The following TTC21B variants were observed in gnomAD, a reference collection of about 807,000 sequenced individuals.
TTC21B encodes tetratricopeptide repeat protein 21B.
A neutral mutation model predicts 175.1 loss-of-function variants in TTC21B; 127 were observed. The ratio of observed to expected loss-of-function variants is 0.73; its 90% CI spans 0.63 to 0.84. The LOEUF is 0.84. Ranked by LOEUF, TTC21B falls within the 40% of genes least tolerant of loss-of-function variation. TTC21B has a pLI of 0.00. For synonymous variants in TTC21B, 524 were observed against 524.5 expected (o/e 1.00, Z 0.01); for missense variants, 1,561 against 1,558.3 (o/e 1.00, Z -0.03).
rs1326857060 is a variant in TTC21B, at chr2:165,943,294, A to C, written c.477T>G (p.Pro159=). 4 of 1,611,892 alleles carry C rather than the reference A, an allele frequency of 2.5e-6. No homozygotes were observed. The highest frequency in any genetic ancestry group is 3.4e-6 in the Non-Finnish European group (4 of 1,178,076). ...AWLDITRGKE[P]YTKKALKYFE... ...AATACTTCAGTGCTTTTTTAGTGTAAGGCTCTTTTCCTCTTGTAATATCAA... is the reference window on the plus strand; with the variant it reads ...AATACTTCAGTGCTTTTTTAGTGTACGGCTCTTTTCCTCTTGTAATATCAA... The change falls in exon 5 of 29, where the codon CCT becomes CCG. Residue 159 remains proline (P), a synonymous_variant. Transcript: ENST00000243344.
intron 11 of TTC21B, chr2:165,928,930 T>C (rs1279399982): frequency 1.8e-6 from 1 of 561,674 alleles, no homozygotes; most frequent in African/African-American, 1.9e-5. Flanking sequence ...GAAATACAAA[T>C]GAATATTTGC....
chr2:165,912,317 T>G (rs1368080770), intron 17 of TTC21B, among the ~76,000 whole-genome samples, 197 bp downstream of exon 17: 1 of 152,088 alleles, frequency 6.6e-6, no homozygotes, highest in Non-Finnish European at 1.5e-5. Flanking sequence ...AGGTCTAGGG[T>G]CCAAATAATC....
chr2:165,932,995 C>G lies in TTC21B; in HGVS notation c.773G>C (p.Cys258Ser), dbSNP rs1458267882. The G allele has an allele frequency of 6.2e-7, 1 of 1,613,010 alleles. No individual in the cohort carries two copies. The highest frequency in any genetic ancestry group is 8.5e-7 in the Non-Finnish European group (1 of 1,179,508). Residue 258 changes from cysteine to serine, a missense_variant, in exon 7 of 29, where the codon TGT (cysteine) becomes TCT (serine). Coordinates refer to ENST00000243344, the MANE Select transcript of TTC21B (RefSeq NM_024753.5). ...TACCTTCTCTATATCCCCCTCTCTA[C>G]ACACATAGTAGAGTGCCTGCATTCT... ...ALRMQALYYV[C>S]REGDIEKAST...
intron 20 of TTC21B, among the ~76,000 whole-genome samples, chr2:165,901,381 C>T (rs1008202692): frequency 3.3e-5 from 5 of 151,928 alleles, no homozygotes; most frequent in South Asian, 2.1e-4. Flanking sequence ...TGCAGTGGCG[C>T]GATCTTGGGT....
intron 19 of TTC21B, among the ~76,000 whole-genome samples, chr2:165,902,264 T>C (rs1199851934): frequency 6.6e-6 from 1 of 152,226 alleles, no homozygotes; most frequent in African/African-American, 2.4e-5. Flanking sequence ...ATTGGAAGAA[T>C]ATCAGCCTTT....
At chr2:165,947,318 T>C (rs1018667612) in intron 3 of TTC21B, 3 of 151,046 alleles carry the variant, frequency 2.0e-5, no homozygotes, top group African/African-American at 7.3e-5. Context: ...CAGTTCTCTT[T>C]CTGGAATGGC....
At chr2:165,951,154 C>T (rs1687751214) in intron 1 of TTC21B, among the ~76,000 whole-genome samples, 1 of 152,166 alleles carries the variant, frequency 6.6e-6, no homozygotes, top group Non-Finnish European at 1.5e-5. Context: ...TGCAGAATGA[C>T]TTCTTACTTT....
intron 1 of TTC21B, 82 bp downstream of exon 1, chr2:165,953,603 C>A (rs113984110): frequency 2.2e-5 from 33 of 1,534,298 alleles, no homozygotes; most frequent in Non-Finnish European, 2.9e-5. Context: ...CACCCGAGCT[C>A]CCTCCGCGCC....
chr2:165,953,640 T>TCCCC, intron 1 of TTC21B, 45 bp downstream of exon 1: 1 of 1,287,922 alleles, frequency 7.8e-7, no homozygotes, highest in African/African-American at 2.4e-5. Context: ...GCAAAGGAAC[T>TCCCC]CCGCCCGCCC....
chr2:165,874,282 G>C lies in TTC21B; in HGVS notation c.*473C>G, dbSNP rs763021259. 3.3e-4 allele frequency: 51 copies of C among 153,562 alleles called. No individual in the cohort carries two copies. The highest frequency in any genetic ancestry group is 5.8e-4 in the Non-Finnish European group (40 of 69,120). The allele number at this position is 153,562 out of a possible 1,614,324, so 9.5% of individuals were successfully genotyped here. A position where few individuals can be genotyped will look rare whatever the true frequency, so the allele number is the denominator to read the frequency against. ...AATCGCGTAAACCCAGGAGGCGGAG[G>C]TTGCAGTGAGCCAAGATCGTGCCAC... On this transcript the variant is annotated 3_prime_UTR_variant, in exon 29 of 29. Transcript: ENST00000243344.
intron 22 of TTC21B, among the ~76,000 whole-genome samples, chr2:165,893,756 G>A (rs144898571): frequency 3.3e-5 from 5 of 151,998 alleles, no homozygotes; most frequent in Non-Finnish European, 5.9e-5. Flanking sequence ...GTTGACCTTT[G>A]AGCAGCCTCA....
chr2:165,937,783 A>G (rs1047039138), intron 6 of TTC21B, among the ~76,000 whole-genome samples: 2 of 106,912 alleles, frequency 1.9e-5, no homozygotes, highest in African/African-American at 7.6e-5. Context: ...ACACACACAC[A>G]CACACACACA....
Position 165,952,142 on chromosome 2 carries a change from T to C in TTC21B, c.21+1543A>G, listed in dbSNP as rs1014545474. ...GATGACTAAAAGCCACTCCATACTCTAGAGCAGGGTTTGGCAAACCACACT... is the reference window on the plus strand; with the variant it reads ...GATGACTAAAAGCCACTCCATACTCCAGAGCAGGGTTTGGCAAACCACACT... On this transcript the variant is annotated intron_variant, in intron 1 of 28. Transcript: ENST00000243344. Among the ~76,000 whole-genome samples, 6 of 152,312 alleles carry C rather than the reference T, an allele frequency of 3.9e-5. 2 individuals are homozygous for C. The South Asian group carries it at 1.0e-3, about 26-fold the overall frequency.
At chr2:165,940,760 C>T (rs1367411552) in intron 6 of TTC21B, among the ~76,000 whole-genome samples, 1 of 152,094 alleles carries the variant, frequency 6.6e-6, no homozygotes, top group Admixed American at 6.5e-5. Flanking sequence ...TATATGGTTC[C>T]TTTCACTTAA....
intron 12 of TTC21B, among the ~76,000 whole-genome samples, chr2:165,922,852 G>A (rs527647799): frequency 6.6e-6 from 1 of 152,254 alleles, no homozygotes; most frequent in South Asian, 2.1e-4. Context: ...ATCAACCGAT[G>A]AGTGGACAAA....
intron 12 of TTC21B, among the ~76,000 whole-genome samples, chr2:165,923,795 C>T (rs553854244): frequency 3.6e-5 from 5 of 139,816 alleles, no homozygotes; most frequent in Non-Finnish European, 6.1e-5. Context: ...CCATCACTGA[C>T]GCTGGAGTGC....
rs139537546 is a variant in TTC21B, at chr2:165,876,188, C to T, written c.3850G>A (p.Asp1284Asn). The T allele has an allele frequency of 1.2e-6, 2 of 1,603,678 alleles. No individual in the cohort carries two copies. The highest frequency in any genetic ancestry group is 3.3e-5 in the Admixed American group (2 of 59,982). ...ACCTGGTGACATATGTCAATTGAAT[C>T]CACATATCTTTTTGCTTTTAAGTAA... ...FNYLKAKRYVDSIDICHQVLE... is the reference protein window; with the variant it reads ...FNYLKAKRYVNSIDICHQVLE... Residue 1284 changes from aspartate to asparagine, a missense_variant, in exon 28 of 29, where the codon GAT becomes AAT. Asp to Asn is a conservative substitution (Grantham distance 23). Transcript: ENST00000243344.
Position 165,890,462 on chromosome 2 carries a change from T to C in TTC21B, c.3263+17A>G, listed in dbSNP as rs1489344882. On this transcript the variant is annotated intron_variant, in intron 24 of 28. Coordinates refer to ENST00000243344, the MANE Select transcript of TTC21B (RefSeq NM_024753.5). ...ACAAGTGTTTTTTAAAAAAGGATAA[T>C]ATGTCAAATAACTCACCCCAGGTCT... 6.2e-7 allele frequency: 1 copy of C among 1,612,196 alleles called. No homozygotes were observed. Among genetic ancestry groups the C allele is most frequent in the Non-Finnish European group, 8.5e-7 (1 of 1,178,788 alleles).
chr2:165,941,507 C>T (rs199825187), intron 5 of TTC21B, among the ~76,000 whole-genome samples: 1 of 90,788 alleles, frequency 1.1e-5, no homozygotes, highest in Non-Finnish European at 2.4e-5. Context: ...TAAAATGTTT[C>T]CAGGAAATTT....
Sources: gnomAD v4.1 joint callset for allele counts (sites outside exome capture counted in the v4.1 genomes callset) on GRCh38, gnomAD v4.1.1 for gene constraint, MANE v1.5 for transcripts, NCBI Gene and HGNC (gene_info 2026-07-23, HGNC 2026-07-21) for gene names.